COL6A2: variants seen among roughly 807,000 people sequenced by gnomAD.
The protein encoded by COL6A2 is collagen type VI alpha 2 chain, also known as collagen alpha-2(VI) chain.
In COL6A2, 90 loss-of-function variants were observed where a neutral mutation model predicts 124.9. The ratio of observed to expected loss-of-function variants is 0.72; its 90% CI spans 0.61 to 0.86. The LOEUF (loss-of-function observed/expected upper bound fraction) is 0.86, where lower values mean the gene tolerates loss of function less well. Ranked by LOEUF, COL6A2 falls within the 40% of genes least tolerant of loss-of-function variation. The pLI, the probability that COL6A2 is intolerant of heterozygous loss-of-function variation, is 0.00. For synonymous variants in COL6A2, 793 were observed against 618.2 expected, an observed-to-expected ratio of 1.28 and a Z score of -4.19; for missense variants, 1,607 against 1,502.5, an observed-to-expected ratio of 1.07 and a Z score of -1.15.
rs1036390817 is a variant in COL6A2, at chr21:46,124,586, G to C, written c.1672-65G>C. 5 of 1,501,630 alleles carry C rather than the reference G, an allele frequency of 3.3e-6. No homozygotes were observed. The Admixed American group carries it at 6.7e-5, about 20-fold the overall frequency. The allele number at this position is 1,501,630 out of a possible 1,614,324, so 93.0% of individuals were successfully genotyped here. ...CCCGTGGTTGGGGACAGCACAGGGG[G>C]CCCTGCTGTGTGCAGGGACTGTCCC... On this transcript the variant is annotated intron_variant, in intron 21 of 27. Transcript: ENST00000300527.
chr21:46,128,449 C>G (rs985995326), intron 27 of COL6A2, among the ~76,000 whole-genome samples: 1 of 152,222 alleles, frequency 6.6e-6, no homozygotes, highest in African/African-American at 2.4e-5. Context: ...GCATCCTCCT[C>G]GGCCCTCCTG....
chr21:46,131,208 G>A (rs560141407), intron 27 of COL6A2, among the ~76,000 whole-genome samples: 289 of 152,338 alleles, frequency 1.9e-3, no homozygotes, highest in African/African-American at 6.5e-3. Context: ...AGGACTGTCC[G>A]TGTCCTGTCC....
At chr21:46,128,589 G>A (rs898746356) in intron 27 of COL6A2, among the ~76,000 whole-genome samples, 2 of 152,214 alleles carry the variant, frequency 1.3e-5, no homozygotes, top group African/African-American at 2.4e-5. Context: ...GGGACCAGAG[G>A]GTGCTGGAGA....
rs913781296 is a variant in COL6A2 at position 46,113,746 on chromosome 21, A to G, written c.736-262A>G. 2.0e-5 allele frequency: 11 copies of G among 559,194 alleles called. No individual in the cohort carries two copies. The African/African-American group carries it at 2.1e-4, about 11-fold the overall frequency. The allele number at this position is 559,194 out of a possible 1,614,324, so 34.6% of individuals were successfully genotyped here. On this transcript the variant is annotated intron_variant, in intron 4 of 27. Transcript: ENST00000300527. ...CCTTTCTTCCCTTCTATTTTCTGTC[A>G]TGGCTTAAGCCAGGCTTGGTTTTTT...
chr21:46,125,034 G>A (rs1261331095), intron 23 of COL6A2, 114 bp downstream of exon 23: 19 of 1,338,762 alleles, frequency 1.4e-5, no homozygotes, highest in Non-Finnish European at 2.0e-5. Flanking sequence ...ATCAGTGGAG[G>A]AGGTCAGAGG....
In COL6A2 at chr21:46,112,490, C is replaced by T. The variant is rs545218705; in HGVS notation, c.627C>T (p.His209=). Residue 209 remains histidine (H), a synonymous_variant, in exon 3 of 28, where the codon CAC becomes CAT. Transcript: ENST00000300527. ...TGCGGGACATCGCCAGCACGCCGCA[C>T]GAGCTCTACCGCAACGACTACGCCA... ...QGLRDIASTP[H]ELYRNDYATM... 102 of 1,611,576 alleles carry T rather than the reference C, an allele frequency of 6.3e-5. No homozygotes were observed. The highest frequency in any genetic ancestry group is 5.1e-4 in the South Asian group (46 of 91,058).
chr21:46,116,389 T>C lies in COL6A2; in HGVS notation c.913T>C (p.Phe305Leu), dbSNP rs1472672400. The change falls in exon 8 of 28, where the codon TTC (phenylalanine) becomes CTC (leucine). Residue 305 changes from phenylalanine (F) to leucine (L), a missense_variant. Phe to Leu is a conservative substitution (Grantham distance 22). Coordinates refer to ENST00000300527, the MANE Select transcript of COL6A2 (RefSeq NM_001849.4). The surrounding 1 kb of genome is among the most constrained non-coding windows in gnomAD (Gnocchi z 4.6). Reference protein sequence around the residue: ...GFPGPKGVPGFKGEKGEFGAD... With the variant: ...GFPGPKGVPGLKGEKGEFGAD... ...CTCCTGCCCCCAGGGCGTTCCTGGC[T>C]TCAAAGGAGAGAAGGTGAGGCTCTT... 2 of 1,612,878 alleles carry C rather than the reference T, an allele frequency of 1.2e-6. No individual in the cohort carries two copies. Among genetic ancestry groups the C allele is most frequent in the African/African-American group, 2.7e-5 (2 of 74,936 alleles).
intron 14 of COL6A2, 41 bp from the exon 15 acceptor site, chr21:46,119,747 G>A: frequency 1.3e-6 from 2 of 1,540,738 alleles, no homozygotes; most frequent in Non-Finnish European, 8.8e-7. Flanking sequence ...TCTGGGCTTG[G>A]ACTCAGCCCC....
intron 27 of COL6A2, chr21:46,129,596 G>A (rs7717): frequency 9.7e-6 from 14 of 1,436,850 alleles, no homozygotes; most frequent in Admixed American, 5.6e-5. Flanking sequence ...ATCTGGAATC[G>A]GGGTCAGCGG....
chr21:46,126,774 G>A (rs2078676860), intron 27 of COL6A2, among the ~76,000 whole-genome samples: 1 of 152,182 alleles, frequency 6.6e-6, no homozygotes, highest in South Asian at 2.1e-4. Context: ...CCATGAGGTG[G>A]GTGCTGCTAG....
At chr21:46,114,809 CAG>C (rs1379605357) in intron 5 of COL6A2, among the ~76,000 whole-genome samples, 1 of 152,164 alleles carries the variant, frequency 6.6e-6, no homozygotes, top group African/African-American at 2.4e-5. Context: ...AACTCACTAA[CAG>C]AGTATGTGAA....
At chr21:46,123,738 TGATGGATGGCTGAATG>T (rs1568936873) in intron 21 of COL6A2, among the ~76,000 whole-genome samples, 1 of 141,814 alleles carries the variant, frequency 7.1e-6, no homozygotes, top group African/African-American at 2.7e-5. Context: ...TGTGGTTAGA[TGATGGATGGCTGAATG>T]GATGAGTGGG....
chr21:46,109,870 C>T (rs901382581), intron 1 of COL6A2, among the ~76,000 whole-genome samples: 3 of 152,206 alleles, frequency 2.0e-5, no homozygotes, highest in Non-Finnish European at 2.9e-5. Flanking sequence ...GTCAGCAGCC[C>T]CAGTTGGGGC....
Position 46,121,638 on chromosome 21 carries a change from C to A in COL6A2, c.1521+20C>A. ...CCCAAGGTACGTGCCCCTCCCCCAG[C>A]AGGACGTATTAGGGGTTCGGGGCAG... is the stretch of plus-strand genomic sequence containing the variant. On this transcript the variant is annotated intron_variant, in intron 18 of 27. Transcript: ENST00000300527. 2 of 1,612,036 alleles carry A rather than the reference C, an allele frequency of 1.2e-6. No individual in the cohort carries two copies. The highest frequency in any genetic ancestry group is 2.2e-5 in the South Asian group (2 of 91,060).
intron 12 of COL6A2, 88 bp from the exon 13 acceptor site, chr21:46,118,526 C>T (rs941671651): frequency 1.4e-5 from 18 of 1,314,642 alleles, no homozygotes; most frequent in East Asian, 1.2e-4. Context: ...GTCCCAAGCC[C>T]GACCGTGGGT....
Position 46,126,178 on chromosome 21 carries a change from T to C in COL6A2, c.2363T>C (p.Leu788Pro), listed in dbSNP as rs982360912. The change falls in exon 26 of 28, where the codon CTG becomes CCG. Residue 788 changes from leucine to proline, a missense_variant. Leu to Pro is a moderately conservative substitution (Grantham distance 98). Around this residue, in one of 3 missense-constraint regions of COL6A2, gnomAD observed 1,223 missense variants for 1,052.2 expected, o/e 1.16. Coordinates refer to ENST00000300527, the MANE Select transcript of COL6A2 (RefSeq NM_001849.4). ...DKPQQVRNMT[L>P]FSDLVAEKFI... ...CCACAGCAGGTGCGCAACATGACGC[T>C]GTTCTCCGACCTGGTCGCTGAGAAG... 3.7e-6 allele frequency: 6 copies of C among 1,607,246 alleles called. No individual in the cohort carries two copies. Among genetic ancestry groups the C allele is most frequent in the African/African-American group, 2.7e-5 (2 of 74,904 alleles).
chr21:46,102,718 T>G lies in COL6A2; in HGVS notation c.-28+4545T>G, dbSNP rs974164713. Among the ~76,000 whole-genome samples the G allele has an allele frequency of 6.6e-5, 10 of 151,996 alleles. No individual in the cohort carries two copies. In the East Asian group the frequency reaches 9.6e-4, roughly 15 times the overall value. On this transcript the variant is annotated intron_variant, in intron 1 of 27. Coordinates refer to ENST00000300527, the MANE Select transcript of COL6A2 (RefSeq NM_001849.4). Reference sequence around the variant, plus strand: ...ATTACATTGATTGATTTTTTTTTTTTTGTATGTTGAACTATCCTTGCACTC... The same window carrying G: ...ATTACATTGATTGATTTTTTTTTTTGTGTATGTTGAACTATCCTTGCACTC...
At chr21:46,130,680 C>T (rs934511733) in intron 27 of COL6A2, among the ~76,000 whole-genome samples, 1 of 152,184 alleles carries the variant, frequency 6.6e-6, no homozygotes, top group Non-Finnish European at 1.5e-5. Context: ...AACCAGCTGC[C>T]CCTTGCATGT....
At position 46,125,069 on chromosome 21, in the gene COL6A2, T is replaced by C. The variant is rs1478234155; in HGVS notation, c.1770+149T>C. Reference sequence around the variant, plus strand: ...GGCAAGGTCAGAGAGCAAGCTTGGTTGGGGAAGGTCACAGGGCAAGGTTGG... The same window carrying C: ...GGCAAGGTCAGAGAGCAAGCTTGGTCGGGGAAGGTCACAGGGCAAGGTTGG... On this transcript the variant is annotated intron_variant, in intron 23 of 27. Transcript: ENST00000300527. The C allele has an allele frequency of 4.1e-6, 5 of 1,208,794 alleles. No individual in the cohort carries two copies. The East Asian group carries it at 9.5e-5, about 23-fold the overall frequency. The allele number at this position is 1,208,794 out of a possible 1,614,324, so 74.9% of individuals were successfully genotyped here.
Sources: allele counts gnomAD v4.1 joint callset (sites outside exome capture counted in the v4.1 genomes callset), GRCh38; gene constraint gnomAD v4.1.1; regional missense constraint gnomAD v4.1.1; non-coding constraint Gnocchi (gnomAD v3.1); transcripts MANE v1.5; gene names NCBI Gene and HGNC (gene_info 2026-07-23, HGNC 2026-07-21).